Variants in NSD3 observed in about 807,000 individuals in gnomAD.
The protein encoded by NSD3 is nuclear receptor binding SET domain protein 3, also known as histone-lysine N-methyltransferase NSD3.
In NSD3, 24 loss-of-function variants were observed where a neutral mutation model predicts 160.8. The observed-to-expected ratio is 0.15, with a 90% CI of 0.11 to 0.21. NSD3 has a LOEUF of 0.21. Among genes scored for constraint, NSD3 ranks in the 10% least tolerant of loss-of-function variants. NSD3 has a pLI of 1.00. For synonymous variants in NSD3, 520 were observed against 600.0 expected (o/e 0.87, Z 1.95); for missense variants, 1,157 against 1,735.9 (o/e 0.67, Z 5.93).
intron 19 of NSD3, among the ~76,000 whole-genome samples, chr8:38,284,857 T>C (rs1312553225): frequency 1.3e-5 from 2 of 152,236 alleles, no homozygotes; most frequent in East Asian, 1.9e-4. Context: ...TGTTAGTCTA[T>C]GAAAATGAGT....
chr8:38,318,754 G>A lies in NSD3; in HGVS notation c.1855+141C>T, dbSNP rs1390602114. 2.0e-5 allele frequency: 15 copies of A among 737,930 alleles called. No homozygotes were observed. Among genetic ancestry groups the A allele is most frequent in the Non-Finnish European group, 2.8e-5 (12 of 428,996 alleles). The allele number at this position is 737,930 out of a possible 1,614,324, so 45.7% of individuals were successfully genotyped here. ...AACTCTAAAAGTCACACACACACAC[G>A]AACACTGGGGAATACTGCAATTTCA... is the stretch of plus-strand genomic sequence containing the variant. On this transcript the variant is annotated intron_variant, in intron 9 of 23. Coordinates refer to ENST00000317025, the MANE Select transcript of NSD3 (RefSeq NM_023034.2). The surrounding 1 kb of genome is among the most constrained non-coding windows in gnomAD (Gnocchi z 5.3).
At chr8:38,356,625 TA>T (rs1810831049) in intron 1 of NSD3, among the ~76,000 whole-genome samples, 2 of 152,214 alleles carry the variant, frequency 1.3e-5, no homozygotes, top group African/African-American at 4.8e-5. Flanking sequence ...CTTGAGCCTA[TA>T]AATATCAATT....
chr8:38,358,130 T>C (rs1810869706), intron 1 of NSD3, among the ~76,000 whole-genome samples: 1 of 152,176 alleles, frequency 6.6e-6, no homozygotes, highest in African/African-American at 2.4e-5. Context: ...AAATTCAGAA[T>C]GTAGAAGCTC....
intron 5 of NSD3, among the ~76,000 whole-genome samples, chr8:38,330,693 T>G (rs1810036255): frequency 3.9e-5 from 6 of 152,224 alleles, no homozygotes; most frequent in Admixed American, 3.9e-4. Context: ...ATCAAAATTC[T>G]GTGATAAAAT....
chr8:38,352,059 C>T (rs923182085), intron 1 of NSD3, among the ~76,000 whole-genome samples: 1 of 150,680 alleles, frequency 6.6e-6, no homozygotes, highest in Admixed American at 6.6e-5. Flanking sequence ...CATTCCAGTT[C>T]GACTCTGTTA....
Position 38,318,056 on chromosome 8 carries a change from C to A in NSD3, c.1855+839G>T. On this transcript the variant is annotated intron_variant, in intron 9 of 23. Transcript: ENST00000317025. The surrounding 1 kb of genome is among the most constrained non-coding windows in gnomAD (Gnocchi z 5.3). ...CGCCGACCCTGTGGAATGGTGGAAA[C>A]ACAACGCAATCAGGCCTCCTAATCT... The A allele has an allele frequency of 1.9e-6, 3 of 1,613,976 alleles. No individual in the cohort carries two copies. The highest frequency in any genetic ancestry group is 1.1e-5 in the South Asian group (1 of 91,062).
At chr8:38,373,934 CAAA>C (rs61532119) in intron 1 of NSD3, among the ~76,000 whole-genome samples, 5 of 25,146 alleles carry the variant, frequency 2.0e-4, no homozygotes, top group African/African-American at 6.9e-4. Flanking sequence ...TCTGTCTCTA[CAAA>C]AAAAAAAAAA....
In NSD3 at chr8:38,273,825, A is replaced by C. The variant is rs1343749618; in HGVS notation, c.*1816T>G. On this transcript the variant is annotated 3_prime_UTR_variant, in exon 24 of 24. Coordinates refer to ENST00000317025, the MANE Select transcript of NSD3 (RefSeq NM_023034.2). ...CATATCTAATCAACAGAAGTACTGG[A>C]AGCCCAATGAGTCACCGCAGAATTA... 6.6e-6 allele frequency: 1 copy of C among 152,226 alleles called. No individual in the cohort carries two copies. The highest frequency in any genetic ancestry group is 6.5e-5 in the Admixed American group (1 of 15,274). The allele number at this position is 152,226 out of a possible 1,614,324, so 9.4% of individuals were successfully genotyped here.
intron 12 of NSD3, among the ~76,000 whole-genome samples, chr8:38,309,807 T>G (rs1211018511): frequency 6.6e-6 from 1 of 152,232 alleles, no homozygotes; most frequent in East Asian, 1.9e-4. Flanking sequence ...GAAATCACGT[T>G]TGACTTAAAT....
intron 4 of NSD3, among the ~76,000 whole-genome samples, chr8:38,336,493 C>T (rs1371526291): frequency 6.6e-6 from 1 of 151,878 alleles, no homozygotes; most frequent in Admixed American, 6.6e-5. Context: ...GTAAATTTAC[C>T]GATTCAAGAA....
intron 12 of NSD3, among the ~76,000 whole-genome samples, 186 bp downstream of exon 12, chr8:38,314,461 T>C (rs189050591): frequency 6.6e-6 from 1 of 152,286 alleles, no homozygotes; most frequent in East Asian, 1.9e-4. Context: ...AAGGCACCAG[T>C]AGGAGGAAAT....
At chr8:38,342,227 G>A (rs948707733) in intron 2 of NSD3, among the ~76,000 whole-genome samples, 3 of 152,104 alleles carry the variant, frequency 2.0e-5, no homozygotes, top group African/African-American at 7.2e-5. Context: ...ATAATAGAGA[G>A]GGAGTATCTA....
intron 4 of NSD3, among the ~76,000 whole-genome samples, chr8:38,336,690 T>C (rs117486616): frequency 0.018 from 2,731 of 152,296 alleles, 46 homozygotes; most frequent in Admixed American, 0.029. Flanking sequence ...CTTTAGGAAA[T>C]ATGAGGTCAT....
chr8:38,331,838 C>T (rs1810068796), intron 4 of NSD3, among the ~76,000 whole-genome samples: 2 of 131,574 alleles, frequency 1.5e-5, no homozygotes, highest in Admixed American at 1.6e-4. Context: ...CAAAACAAAA[C>T]AAAACAAAAC....
chr8:38,296,674 C>G (rs867093625), intron 15 of NSD3, among the ~76,000 whole-genome samples: 30 of 142,292 alleles, frequency 2.1e-4, no homozygotes, highest in South Asian at 6.9e-4. Flanking sequence ...CTCTCTCCCT[C>G]TGTGTGTGTG....
At chr8:38,286,504 T>C (rs1471181529) in intron 19 of NSD3, among the ~76,000 whole-genome samples, 1 of 152,226 alleles carries the variant, frequency 6.6e-6, no homozygotes, top group Non-Finnish European at 1.5e-5. Flanking sequence ...AAGGATTGCC[T>C]AGACTCCTGA....
chr8:38,339,674 C>T (rs901179653), intron 2 of NSD3, among the ~76,000 whole-genome samples: 1 of 150,150 alleles, frequency 6.7e-6, no homozygotes, highest in Non-Finnish European at 1.5e-5. Context: ...TGCAGTGAGC[C>T]GAGATCATGC....
In NSD3 at chr8:38,288,468, C is replaced by G. The variant is rs183194334; in HGVS notation, c.3501+19G>C. On this transcript the variant is annotated intron_variant, in intron 19 of 23. Coordinates refer to ENST00000317025, the MANE Select transcript of NSD3 (RefSeq NM_023034.2). This position sits in a 1 kb window ranked among gnomAD's most constrained non-coding sequence, Gnocchi z 4.5. ...CCAGGTTCTGGTCTCTTCCACCCCC[C>G]ACCACCATCCCATGCTACCTTCTTA... 476 of 1,611,116 alleles carry G rather than the reference C, an allele frequency of 3.0e-4. 3 individuals carry two copies. In the East Asian group the frequency reaches 6.2e-3, roughly 21 times the overall value.
intron 12 of NSD3, among the ~76,000 whole-genome samples, chr8:38,310,581 C>T (rs576080185): frequency 6.6e-6 from 1 of 151,742 alleles, no homozygotes; most frequent in South Asian, 2.1e-4. Context: ...CATTACAGTT[C>T]ACCGCAGTCT....
Sources: allele counts gnomAD v4.1 joint callset (sites outside exome capture counted in the v4.1 genomes callset), GRCh38; gene constraint gnomAD v4.1.1; non-coding constraint Gnocchi (gnomAD v3.1); transcripts MANE v1.5; gene names NCBI Gene and HGNC (gene_info 2026-07-23, HGNC 2026-07-21).